KRCC1: variants seen among roughly 807,000 people sequenced by gnomAD.
KRCC1 encodes lysine rich coiled-coil 1.
In KRCC1, 3 loss-of-function variants were observed where a neutral mutation model predicts 7.4. That is an observed-to-expected ratio of 0.40 (90% confidence interval 0.18 to 1.04). The LOEUF (loss-of-function observed/expected upper bound fraction) is 1.04, where lower values mean the gene tolerates loss of function less well. Among genes scored for constraint, KRCC1 ranks in the 50% least tolerant of loss-of-function variants. KRCC1 has a pLI of 0.33. For missense variants in KRCC1, 277 were observed against 300.9 expected (o/e 0.92, Z 0.59); for synonymous variants, 102 against 101.6 (o/e 1.00, Z -0.02).
Position 88,028,267 on chromosome 2 carries a change from G to A in KRCC1, c.297C>T (p.Asp99=). The A allele has an allele frequency of 2.5e-6, 4 of 1,614,190 alleles. No homozygotes were observed. Among genetic ancestry groups the A allele is most frequent in the Non-Finnish European group, 3.4e-6 (4 of 1,180,036 alleles). Residue 99 remains aspartate (D), a synonymous_variant, in exon 4 of 4, where the codon GAC becomes GAT. Coordinates refer to ENST00000347055, the MANE Select transcript of KRCC1 (RefSeq NM_016618.3). The part of the protein sequence containing the change: ...LPAHDSRLRL[D]SLSYCQFTRD... ...TCGTGAACTGACAGTAGCTCAGAGA[G>A]TCTAGTCTCAATCTGCTGTCATGGG...
intron 3 of KRCC1, among the ~76,000 whole-genome samples, chr2:88,030,104 T>C: frequency 6.6e-6 from 1 of 151,094 alleles, no homozygotes; most frequent in East Asian, 2.0e-4. Flanking sequence ...TGCCTCGGCC[T>C]CCCAAAGTGC....
chr2:88,043,603 C>A (rs1471096935), intron 1 of KRCC1, among the ~76,000 whole-genome samples: 1 of 152,204 alleles, frequency 6.6e-6, no homozygotes. Flanking sequence ...CTATTAATAA[C>A]CTGTCCTGTA....
At chr2:88,031,724 T>C (rs979364442) in intron 3 of KRCC1, among the ~76,000 whole-genome samples, 9 of 152,072 alleles carry the variant, frequency 5.9e-5, no homozygotes, top group Non-Finnish European at 1.3e-4. Flanking sequence ...AGCTGGACAA[T>C]GTGTTTTAAC....
chr2:88,045,808 C>T (rs1045410494), intron 1 of KRCC1, among the ~76,000 whole-genome samples: 2 of 151,886 alleles, frequency 1.3e-5, no homozygotes, highest in Non-Finnish European at 2.9e-5. Flanking sequence ...CTAAGCCTCC[C>T]GAGTAGCTGG....
intron 1 of KRCC1, among the ~76,000 whole-genome samples, chr2:88,044,257 A>T (rs1673280750): frequency 6.6e-6 from 1 of 152,004 alleles, no homozygotes; most frequent in African/African-American, 2.4e-5. Context: ...TCTCTCCATT[A>T]AAAAAATGGA....
At chr2:88,039,375 G>A (rs1486688705) in intron 1 of KRCC1, among the ~76,000 whole-genome samples, 1 of 152,084 alleles carries the variant, frequency 6.6e-6, no homozygotes, top group African/African-American at 2.4e-5. Flanking sequence ...ATTTTAGAAA[G>A]GACTTGAAGA....
At chr2:88,052,913 T>TA (rs1573089015) in intron 1 of KRCC1, among the ~76,000 whole-genome samples, 2 of 152,264 alleles carry the variant, frequency 1.3e-5, no homozygotes, top group East Asian at 1.9e-4. Context: ...TTTAAAGAAG[T>TA]AAAAAAAGTA....
At position 88,028,572 on chromosome 2, in the gene KRCC1, C is replaced by T. The variant is rs1185887255; in HGVS notation, c.-9G>A. On this transcript the variant is annotated 5_prime_UTR_variant, in exon 4 of 4. Transcript: ENST00000347055. ...TTCTTTGAATGCTTCATTAGGTTGA[C>T]AAAACGGGATTTTCTGCAAAAAAGG... The T allele has an allele frequency of 6.4e-7, 1 of 1,560,350 alleles. No individual in the cohort carries two copies. The highest frequency in any genetic ancestry group is 1.8e-5 in the Admixed American group (1 of 55,700).
chr2:88,049,497 A>C (rs764537474), intron 1 of KRCC1, among the ~76,000 whole-genome samples: 1 of 152,114 alleles, frequency 6.6e-6, no homozygotes, highest in Non-Finnish European at 1.5e-5. Context: ...AATACAAAAA[A>C]ACTAGCTGGG....
chr2:88,039,772 T>C (rs1355637883), intron 1 of KRCC1, among the ~76,000 whole-genome samples: 2 of 152,058 alleles, frequency 1.3e-5, no homozygotes, highest in Admixed American at 6.6e-5. Flanking sequence ...GACTCTAAGG[T>C]CAGCAAGGTA....
intron 1 of KRCC1, among the ~76,000 whole-genome samples, chr2:88,054,109 G>A (rs1361034495): frequency 3.3e-5 from 5 of 152,210 alleles, no homozygotes; most frequent in Admixed American, 3.3e-4. Flanking sequence ...ATTATAGTAA[G>A]AACTCAAACA....
rs11431505 is a variant in KRCC1 at position 88,029,833 on chromosome 2, T to TAAAA, written c.-22-1252_-22-1249dup. Among the ~76,000 whole-genome samples, 744 of 133,264 alleles carry TAAAA rather than the reference T, an allele frequency of 5.6e-3. 8 individuals are homozygous for TAAAA. Among genetic ancestry groups the TAAAA allele is most frequent in the African/African-American group, 0.021 (724 of 34,990 alleles). 87.4% of individuals were successfully genotyped at this position (133,264 alleles called of 152,430 possible). On this transcript the variant is annotated intron_variant, in intron 3 of 3. Transcript: ENST00000347055. ...ATGAAATTATAATATTATATATATA[T>TAAAA]AAAAAAATATATATATATATATTTT...
chr2:88,043,566 T>C (rs971122363), intron 1 of KRCC1, among the ~76,000 whole-genome samples: 3 of 152,272 alleles, frequency 2.0e-5, no homozygotes, highest in South Asian at 2.1e-4. Context: ...TTAATGTTTA[T>C]TTCAAAGTAT....
rs1212635630 is a variant in KRCC1 at position 88,036,924 on chromosome 2, C to G, written c.-182+19G>C. 6.6e-6 allele frequency: 1 copy of G among 152,120 alleles called. No homozygotes were observed. Among genetic ancestry groups the G allele is most frequent in the Non-Finnish European group, 1.5e-5 (1 of 68,022 alleles). The allele number at this position is 152,120 out of a possible 1,614,324, so 9.4% of individuals were successfully genotyped here. ...TTAAAAAGTGACATTAGGACATATT[C>G]CTTCTATTTTCAACCTACCTCATAA... On this transcript the variant is annotated intron_variant, in intron 2 of 3. Transcript: ENST00000347055.
At chr2:88,028,839 T>C (rs373806473) in intron 3 of KRCC1, among the ~76,000 whole-genome samples, 20 of 151,888 alleles carry the variant, frequency 1.3e-4, no homozygotes, top group Admixed American at 7.9e-4. Context: ...TTAGTAGAGA[T>C]GGGGTATCAC....
intron 1 of KRCC1, among the ~76,000 whole-genome samples, chr2:88,055,090 A>T (rs1366035907): frequency 2.0e-5 from 3 of 151,146 alleles, no homozygotes; most frequent in Non-Finnish European, 3.0e-5. Flanking sequence ...CTCCAAAGTG[A>T]TCCCCCCCTA....
intron 1 of KRCC1, among the ~76,000 whole-genome samples, chr2:88,044,604 T>C (rs1201585106): frequency 1.3e-5 from 2 of 152,098 alleles, no homozygotes; most frequent in African/African-American, 2.4e-5. Context: ...TAAGTAAATA[T>C]GAATTAAACC....
Position 88,027,963 on chromosome 2 carries a change from C to G in KRCC1, c.601G>C (p.Glu201Gln). Residue 201 changes from glutamate (E) to glutamine (Q), a missense_variant, in exon 4 of 4, where the codon GAG (glutamate) becomes CAG (glutamine). Physicochemically the swap from Glu to Gln is conservative, Grantham distance 29 (BLOSUM62 2). Coordinates refer to ENST00000347055, the MANE Select transcript of KRCC1 (RefSeq NM_016618.3). The stretch of plus-strand genomic sequence containing the variant: ...ACATGTACGGTTTCTATTTCCACCT[C>G]TGTTTTCTTTCTTTGGATGCTCTTG... Reference protein sequence around the residue: ...KHKSIQRKKTEVEIETVHVST... With the variant: ...KHKSIQRKKTQVEIETVHVST... The G allele has an allele frequency of 6.2e-7, 1 of 1,613,636 alleles. No homozygotes were observed. Among genetic ancestry groups the G allele is most frequent in the South Asian group, 1.1e-5 (1 of 91,000 alleles).
intron 2 of KRCC1, 66 bp from the exon 3 acceptor site, chr2:88,034,358 G>A (rs1380223348): frequency 6.6e-6 from 1 of 152,204 alleles, no homozygotes; most frequent in Non-Finnish European, 1.5e-5. Context: ...CATCAACATA[G>A]ACCAATCATC....
Sources: allele counts gnomAD v4.1 joint callset (sites outside exome capture counted in the v4.1 genomes callset), GRCh38; gene constraint gnomAD v4.1.1; transcripts MANE v1.5; gene names NCBI Gene and HGNC (gene_info 2026-07-23, HGNC 2026-07-21).